The following ATG5 variants were observed in gnomAD, a reference collection of about 807,000 sequenced individuals.
ATG5 encodes autophagy related 5, also known as autophagy protein 5.
In ATG5, 14 loss-of-function variants were observed where a neutral mutation model predicts 36.5. The observed-to-expected ratio is 0.38, with a 90% CI of 0.25 to 0.60. The LOEUF is 0.60. Among genes scored for constraint, ATG5 ranks in the 20% least tolerant of loss-of-function variants. The probability of loss-of-function intolerance (pLI) is 0.60; values close to 1 mark genes in which losing one functional copy is unlikely to be tolerated. For missense variants in ATG5, 195 were observed against 326.7 expected, an observed-to-expected ratio of 0.60 and a Z score of 3.11; for synonymous variants, 95 against 101.5, an observed-to-expected ratio of 0.94 and a Z score of 0.38.
chr6:106,201,277 G>A (rs201935699), intron 7 of ATG5, among the ~76,000 whole-genome samples: 1 of 40,386 alleles, frequency 2.5e-5, no homozygotes. Flanking sequence ...AAGTGTATAT[G>A]TGTGTGTGTG....
At chr6:106,236,600 A>G (rs1303098968) in intron 6 of ATG5, among the ~76,000 whole-genome samples, 1 of 152,180 alleles carries the variant, frequency 6.6e-6, no homozygotes, top group African/African-American at 2.4e-5. Flanking sequence ...AATATCGTGT[A>G]TCTTTTCATG....
At chr6:106,246,347 A>G (rs1281995219) in intron 6 of ATG5, among the ~76,000 whole-genome samples, 1 of 151,106 alleles carries the variant, frequency 6.6e-6, no homozygotes, top group Non-Finnish European at 1.5e-5. Context: ...AGCACTTTAT[A>G]AAAACCATTC....
intron 6 of ATG5, among the ~76,000 whole-genome samples, chr6:106,228,006 G>GT (rs1777511557): frequency 6.6e-6 from 1 of 152,170 alleles, no homozygotes; most frequent in South Asian, 2.1e-4. Context: ...TAAGCATATC[G>GT]TAAGAACCTA....
intron 4 of ATG5, chr6:106,283,833 T>A (rs1779975931): frequency 6.6e-6 from 1 of 152,272 alleles, no homozygotes; most frequent in Non-Finnish European, 1.5e-5. Flanking sequence ...TTCTGTTATT[T>A]CTTATGTCGG....
intron 6 of ATG5, among the ~76,000 whole-genome samples, chr6:106,245,696 ATTATGCCC>A (rs1237822163): frequency 6.6e-6 from 1 of 152,166 alleles, no homozygotes; most frequent in Non-Finnish European, 1.5e-5. Context: ...TTCAGTAAAA[ATTATGCCC>A]TTTATTAATG....
Position 106,186,346 on chromosome 6 carries a change from AG to A in ATG5, c.*193del. The A allele has an allele frequency of 3.6e-6, 2 of 558,208 alleles. No homozygotes were observed. The highest frequency in any genetic ancestry group is 4.7e-4 in the Middle Eastern group (1 of 2,114). The allele number at this position is 558,208 out of a possible 1,614,324, so 34.6% of individuals were successfully genotyped here. On this transcript the variant is annotated 3_prime_UTR_variant, in exon 8 of 8. Coordinates refer to ENST00000369076, the MANE Select transcript of ATG5 (RefSeq NM_004849.4). ...AGCTGAGGTTTAATGATGGCAGTGG[AG>A]GAAAGCAGAGGTGATGCAAAGTAAG...
intron 5 of ATG5, among the ~76,000 whole-genome samples, chr6:106,276,413 G>A (rs1404569244): frequency 2.7e-5 from 4 of 148,620 alleles, no homozygotes; most frequent in Non-Finnish European, 5.9e-5. Context: ...GCAGTGAGCC[G>A]AGATCATGCC....
chr6:106,224,400 G>C (rs1357716630), intron 6 of ATG5, among the ~76,000 whole-genome samples: 2 of 152,198 alleles, frequency 1.3e-5, no homozygotes, highest in Admixed American at 1.3e-4. Context: ...TGGTCCATTA[G>C]AACTGCAACT....
chr6:106,187,398 T>C (rs1241912352), intron 7 of ATG5, among the ~76,000 whole-genome samples: 1 of 152,184 alleles, frequency 6.6e-6, no homozygotes, highest in Non-Finnish European at 1.5e-5. Flanking sequence ...ATTTTGTGTT[T>C]TTCATGATTT....
chr6:106,198,144 G>A (rs1362133016), intron 7 of ATG5, among the ~76,000 whole-genome samples: 1 of 152,096 alleles, frequency 6.6e-6, no homozygotes, highest in Non-Finnish European at 1.5e-5. Context: ...GCTTATTCTT[G>A]AATTTCTGGG....
intron 7 of ATG5, among the ~76,000 whole-genome samples, chr6:106,201,054 T>C (rs1776409613): frequency 6.6e-6 from 1 of 152,232 alleles, no homozygotes. Flanking sequence ...AGATTACTTG[T>C]AATATTTAAT....
chr6:106,305,049 C>T (rs1770386087), intron 3 of ATG5, among the ~76,000 whole-genome samples: 1 of 151,292 alleles, frequency 6.6e-6, no homozygotes, highest in Non-Finnish European at 1.5e-5. Flanking sequence ...CGAAATCATG[C>T]CATTGCACTC....
chr6:106,286,605 T>G (rs1042982468), intron 4 of ATG5, among the ~76,000 whole-genome samples: 3 of 152,186 alleles, frequency 2.0e-5, no homozygotes, highest in African/African-American at 7.2e-5. Flanking sequence ...GTGACTTGCT[T>G]CTAACTCAAA....
intron 5 of ATG5, among the ~76,000 whole-genome samples, chr6:106,271,206 A>C (rs9486312): frequency 0.17 from 26,555 of 152,100 alleles, 2,734 homozygotes; most frequent in African/African-American, 0.28. Flanking sequence ...CTCCTCAGTC[A>C]CTACACCTAA....
At chr6:106,247,437 T>C (rs1171797159) in intron 6 of ATG5, among the ~76,000 whole-genome samples, 1 of 152,222 alleles carries the variant, frequency 6.6e-6, no homozygotes, top group Non-Finnish European at 1.5e-5. Context: ...TAAGAGCCTA[T>C]TGCCTACTTT....
intron 2 of ATG5, among the ~76,000 whole-genome samples, chr6:106,312,173 G>C (rs2787549): frequency 0.085 from 12,993 of 152,174 alleles, 585 homozygotes; most frequent in South Asian, 0.13. Context: ...CTGTAGCAGT[G>C]GGGGATGAAA....
intron 6 of ATG5, among the ~76,000 whole-genome samples, chr6:106,204,736 TC>T (rs1358152320): frequency 4.6e-5 from 7 of 152,222 alleles, no homozygotes; most frequent in Admixed American, 6.5e-5. Context: ...TGCTTCCCTT[TC>T]TGCCATGATT....
At chr6:106,251,367 G>A (rs1280766657) in intron 5 of ATG5, among the ~76,000 whole-genome samples, 1 of 151,898 alleles carries the variant, frequency 6.6e-6, no homozygotes, top group Admixed American at 6.6e-5. Context: ...CCCCTTACAA[G>A]TTTGGTCTTC....
chr6:106,312,207 ACT>A (rs772289563), intron 2 of ATG5, among the ~76,000 whole-genome samples: 335 of 152,312 alleles, frequency 2.2e-3, no homozygotes, highest in Non-Finnish European at 3.9e-3. Flanking sequence ...TCTGAGAGAC[ACT>A]GAGGTCTCTG....
Sources: allele counts gnomAD v4.1 joint callset (sites outside exome capture counted in the v4.1 genomes callset), GRCh38; gene constraint gnomAD v4.1.1; transcripts MANE v1.5; gene names NCBI Gene and HGNC (gene_info 2026-07-23, HGNC 2026-07-21).